The following DPYSL5 variants were observed in gnomAD, a reference collection of about 807,000 sequenced individuals.
DPYSL5 encodes the protein dihydropyrimidinase like 5, also known as dihydropyrimidinase-related protein 5.
In DPYSL5, 9 loss-of-function variants were observed where a neutral mutation model predicts 58.4. The ratio of observed to expected loss-of-function variants is 0.15; its 90% CI spans 0.09 to 0.27. The LOEUF (loss-of-function observed/expected upper bound fraction) is 0.27, where lower values mean the gene tolerates loss of function less well. DPYSL5 is among the 10% of genes least tolerant of loss of function. DPYSL5 has a pLI of 1.00. For synonymous variants in DPYSL5, 293 were observed against 301.9 expected, an observed-to-expected ratio of 0.97 and a Z score of 0.31; for missense variants, 499 against 770.6, an observed-to-expected ratio of 0.65 and a Z score of 4.17.
Position 26,898,152 on chromosome 2 carries a change from GGTT to G in DPYSL5, c.-4-340_-4-338del, listed in dbSNP as rs1362982673. On this transcript the variant is annotated intron_variant, in intron 1 of 12. Coordinates refer to ENST00000288699, the MANE Select transcript of DPYSL5 (RefSeq NM_020134.4). This position sits in a 1 kb window ranked among gnomAD's most constrained non-coding sequence, Gnocchi z 6.1. ...GCTTTCTCATCTGTAAAATGCCTTG[GGTT>G]GTTTTGGGGATAGTAGAGATATGAG... Among the ~76,000 whole-genome samples, 1 of 152,116 alleles carries G rather than the reference GGTT, an allele frequency of 6.6e-6. No individual in the cohort carries two copies. The highest frequency in any genetic ancestry group is 1.5e-5 in the Non-Finnish European group (1 of 68,018).
In DPYSL5 at chr2:26,927,251, A is replaced by T; in HGVS notation, c.421-2A>T. On this transcript the variant is annotated splice_acceptor_variant, in intron 3 of 12. Coordinates refer to ENST00000288699, the MANE Select transcript of DPYSL5 (RefSeq NM_020134.4). LOFTEE classifies it high-confidence loss of function. This position sits in a 1 kb window ranked among gnomAD's most constrained non-coding sequence, Gnocchi z 4.3. ...AGCATTGCCCTTCTACTTGTTCTCC[A>T]GGTGAAAGCAGAAATGGAGACACTG... The T allele has an allele frequency of 6.2e-7, 1 of 1,612,288 alleles. No individual in the cohort carries two copies. Among genetic ancestry groups the T allele is most frequent in the Non-Finnish European group, 8.5e-7 (1 of 1,179,102 alleles).
rs528708966 is a variant in DPYSL5, at chr2:26,870,355, T to A, written c.-5+22101T>A. ...TCCGTTGATTTGTGGATGTAAAGAA[T>A]GATGCTGCTAACTTCCATGATGAAT... On this transcript the variant is annotated intron_variant, in intron 1 of 12. Coordinates refer to ENST00000288699, the MANE Select transcript of DPYSL5 (RefSeq NM_020134.4). Among the ~76,000 whole-genome samples the A allele has an allele frequency of 2.0e-5, 3 of 152,334 alleles. No homozygotes were observed. In the South Asian group the frequency reaches 6.2e-4, roughly 32 times the overall value.
intron 9 of DPYSL5, among the ~76,000 whole-genome samples, chr2:26,941,548 T>G (rs1342545768): frequency 6.6e-6 from 1 of 152,226 alleles, no homozygotes; most frequent in Admixed American, 6.5e-5. Context: ...GAGTCCATAG[T>G]ACTCTCATGG....
At chr2:26,890,171 G>A (rs879670584) in intron 1 of DPYSL5, among the ~76,000 whole-genome samples, 66 of 152,284 alleles carry the variant, frequency 4.3e-4, no homozygotes, top group African/African-American at 1.5e-3. Context: ...CAAGTTCACT[G>A]TTAGGTCTTT....
chr2:26,881,483 A>G (rs1479827450), intron 1 of DPYSL5, among the ~76,000 whole-genome samples: 3 of 152,106 alleles, frequency 2.0e-5, no homozygotes, highest in African/African-American at 4.8e-5. Flanking sequence ...ATGAATTTCC[A>G]TGGGCACTGA....
At chr2:26,909,047 A>G (rs928325910) in intron 2 of DPYSL5, among the ~76,000 whole-genome samples, 1 of 152,170 alleles carries the variant, frequency 6.6e-6, no homozygotes, top group African/African-American at 2.4e-5. Context: ...AATAAGGGAC[A>G]TATCTTGGTT....
At chr2:26,880,976 G>C (rs953054750) in intron 1 of DPYSL5, among the ~76,000 whole-genome samples, 1 of 152,198 alleles carries the variant, frequency 6.6e-6, no homozygotes, top group Non-Finnish European at 1.5e-5. Context: ...GCCATAACGT[G>C]GGGATAATAA....
At chr2:26,876,122 C>T (rs746636543) in intron 1 of DPYSL5, among the ~76,000 whole-genome samples, 1 of 152,292 alleles carries the variant, frequency 6.6e-6, no homozygotes, top group Non-Finnish European at 1.5e-5. Flanking sequence ...TCATTTGCTT[C>T]ATGTTTCCAT....
At chr2:26,868,406 T>A (rs1481279579) in intron 1 of DPYSL5, among the ~76,000 whole-genome samples, 2 of 152,304 alleles carry the variant, frequency 1.3e-5, no homozygotes, top group Non-Finnish European at 2.9e-5. Flanking sequence ...TTAAAAGCGA[T>A]CCCCTACTCC....
chr2:26,863,964 C>T (rs948436720), intron 1 of DPYSL5, among the ~76,000 whole-genome samples: 50 of 152,040 alleles, frequency 3.3e-4, no homozygotes, highest in African/African-American at 1.1e-3. Flanking sequence ...ATAGTTAGAC[C>T]GGGTGCAGTG....
chr2:26,904,542 C>T (rs376987888), intron 2 of DPYSL5, among the ~76,000 whole-genome samples: 3 of 152,136 alleles, frequency 2.0e-5, no homozygotes, highest in Non-Finnish European at 2.9e-5. Flanking sequence ...TCCATCCCTG[C>T]GAGAAGTTGG....
intron 2 of DPYSL5, among the ~76,000 whole-genome samples, chr2:26,923,739 C>T (rs1572708914): frequency 6.6e-6 from 1 of 152,146 alleles, no homozygotes; most frequent in African/African-American, 2.4e-5. Context: ...TGGCTCACTG[C>T]GACCTCCACC....
At position 26,942,503 on chromosome 2, in the gene DPYSL5, G is replaced by A. The variant is rs778189920; in HGVS notation, c.1233-40G>A. 6.3e-7 allele frequency: 1 copy of A among 1,588,742 alleles called. No homozygotes were observed. The highest frequency in any genetic ancestry group is 8.6e-7 in the Non-Finnish European group (1 of 1,166,276). Reference sequence around the variant, plus strand: ...CCATGGAGCTGTGACATTTTGACCTGTCCTCAGCGCTTTCTCTCCCGCCAT... The same window carrying A: ...CCATGGAGCTGTGACATTTTGACCTATCCTCAGCGCTTTCTCTCCCGCCAT... On this transcript the variant is annotated intron_variant, in intron 10 of 12. Transcript: ENST00000288699. The surrounding 1 kb of genome is among the most constrained non-coding windows in gnomAD (Gnocchi z 5.9).
chr2:26,947,390 T>C lies in DPYSL5; in HGVS notation c.*395T>C, dbSNP rs1165617491. ...GACTGGCCAGTTGCCCAGAGCACTT[T>C]AGCAGATGTGGTTTCAAAGTAAAGG... On this transcript the variant is annotated 3_prime_UTR_variant, in exon 13 of 13. Transcript: ENST00000288699. This position sits in a 1 kb window ranked among gnomAD's most constrained non-coding sequence, Gnocchi z 4.2. 1.2e-5 allele frequency: 2 copies of C among 170,160 alleles called. No individual in the cohort carries two copies. The highest frequency in any genetic ancestry group is 2.6e-5 in the Non-Finnish European group (2 of 78,428). 10.5% of individuals were successfully genotyped at this position (170,160 alleles called of 1,614,324 possible).
intron 2 of DPYSL5, among the ~76,000 whole-genome samples, chr2:26,907,593 G>A (rs982715088): frequency 6.6e-6 from 1 of 151,904 alleles, no homozygotes; most frequent in African/African-American, 2.4e-5. Context: ...GACCCATCAT[G>A]GCCAGCTGCT....
chr2:26,909,880 G>A (rs915348480), intron 2 of DPYSL5, among the ~76,000 whole-genome samples: 3 of 151,736 alleles, frequency 2.0e-5, no homozygotes, highest in South Asian at 2.1e-4. Context: ...AAAAAAAAAA[G>A]GTATAATTAA....
intron 8 of DPYSL5, among the ~76,000 whole-genome samples, chr2:26,937,633 G>GT (rs1231945580): frequency 2.0e-3 from 289 of 144,964 alleles, no homozygotes; most frequent in Middle Eastern, 3.6e-3. Flanking sequence ...ATTCTGGCTT[G>GT]TTTTTTTTTT....
At chr2:26,920,904 G>A (rs1257570832) in intron 2 of DPYSL5, among the ~76,000 whole-genome samples, 7 of 152,158 alleles carry the variant, frequency 4.6e-5, no homozygotes, top group Admixed American at 1.3e-4. Flanking sequence ...AACTTTTTCC[G>A]TGTTTTGACA....
chr2:26,946,568 G>A (rs143419255), intron 12 of DPYSL5, among the ~76,000 whole-genome samples: 1 of 152,318 alleles, frequency 6.6e-6, no homozygotes, highest in African/African-American at 2.4e-5. Flanking sequence ...TGAGGCATAT[G>A]TACAAAGGCC....
Sources: gnomAD v4.1 joint callset for allele counts (sites outside exome capture counted in the v4.1 genomes callset) on GRCh38, gnomAD v4.1.1 for gene constraint, Gnocchi (gnomAD v3.1) non-coding constraint, MANE v1.5 for transcripts, NCBI Gene and HGNC (gene_info 2026-07-23, HGNC 2026-07-21) for gene names.